NUP210: variants seen among roughly 807,000 people sequenced by gnomAD.
NUP210 encodes the protein nuclear pore membrane glycoprotein 210.
NUP210 carries 151 observed loss-of-function variants against 196.0 expected under a neutral mutation model. The observed-to-expected ratio is 0.77, with a 90% confidence interval of 0.67 to 0.88. The LOEUF (loss-of-function observed/expected upper bound fraction) is 0.88. NUP210 is among the 40% of genes least tolerant of loss of function. The probability of loss-of-function intolerance (pLI) is 0.00; values close to 1 mark genes in which losing one functional copy is unlikely to be tolerated. For missense variants in NUP210, 2,314 were observed against 2,493.7 expected (o/e 0.93, Z 1.53); for synonymous variants, 1,070 against 1,052.7 (o/e 1.02, Z -0.32).
At chr3:13,351,853 A>G (rs1339822673) in intron 20 of NUP210, 26 bp downstream of exon 20, 1 of 1,473,676 alleles carries the variant, frequency 6.8e-7, no homozygotes. Context: ...GAAAACCAAC[A>G]GTGGGGACCG....
intron 2 of NUP210, among the ~76,000 whole-genome samples, chr3:13,398,426 C>T (rs1699734992): frequency 6.6e-6 from 1 of 152,032 alleles, no homozygotes; most frequent in African/African-American, 2.4e-5. Flanking sequence ...TGGGTAACTC[C>T]ATCTCAAAAA....
At chr3:13,364,593 C>T (rs1368749131) in intron 14 of NUP210, among the ~76,000 whole-genome samples, 1 of 152,154 alleles carries the variant, frequency 6.6e-6, no homozygotes, top group Admixed American at 6.5e-5. Flanking sequence ...CTTTGGGAGG[C>T]TGAGGTGGGA....
At chr3:13,346,512 G>T (rs1026860302) in intron 20 of NUP210, among the ~76,000 whole-genome samples, 3 of 152,238 alleles carry the variant, frequency 2.0e-5, no homozygotes, top group Non-Finnish European at 4.4e-5. Context: ...CAAGAGGAAA[G>T]TTCTGTCAAG....
intron 13 of NUP210, among the ~76,000 whole-genome samples, chr3:13,371,364 C>T (rs372568941): frequency 2.6e-5 from 4 of 152,338 alleles, no homozygotes; most frequent in African/African-American, 7.2e-5. Flanking sequence ...AAGTGCCTGT[C>T]CTGTCCTGAC....
intron 11 of NUP210, among the ~76,000 whole-genome samples, chr3:13,374,240 A>G (rs943442483): frequency 1.3e-5 from 2 of 152,068 alleles, no homozygotes; most frequent in African/African-American, 2.4e-5. Flanking sequence ...ATTTACCTTC[A>G]CACTCACGCT....
chr3:13,343,216 C>T lies in NUP210; in HGVS notation c.2923G>A (p.Val975Met), dbSNP rs776615650. ...FPAPAKAVVY[V>M]SDIQELYIRV... ...ATGTACAGCTCCTGAATGTCCGACA[C>T]GTAAACGACAGCCTTGGCTGGGGCC... The change falls in exon 21 of 40, where the codon GTG becomes ATG. Residue 975 changes from valine (V) to methionine (M), a missense_variant. Transcript: ENST00000254508. The T allele has an allele frequency of 5.0e-6, 8 of 1,614,084 alleles. No individual in the cohort carries two copies. The highest frequency in any genetic ancestry group is 3.3e-5 in the Admixed American group (2 of 60,002).
At position 13,323,333 on chromosome 3, in the gene NUP210, C is replaced by T. The variant is rs778261437; in HGVS notation, c.4744G>A (p.Gly1582Arg). The change falls in exon 34 of 40, where the codon GGA (glycine) becomes AGA (arginine). Residue 1582 changes from glycine to arginine, a missense_variant. By Grantham distance (125) the Gly-to-Arg change is moderately radical. Coordinates refer to ENST00000254508, the MANE Select transcript of NUP210 (RefSeq NM_024923.4). The surrounding 1 kb of genome is among the most constrained non-coding windows in gnomAD (Gnocchi z 4.3). ...CCTCTCAGGTTAGAGCTTCTGTCTC[C>T]CACGGCAACAATCACTTTGGAGGCT... ...ATASKVIVAV[G>R]DRSSNLRGEC... The T allele has an allele frequency of 6.2e-7, 1 of 1,614,168 alleles. No homozygotes were observed.
chr3:13,381,420 CT>C (rs10644995), intron 6 of NUP210, among the ~76,000 whole-genome samples: 1,646 of 134,376 alleles, frequency 0.012, 13 homozygotes, highest in Middle Eastern at 0.03. Context: ...CTTTTCTTTT[CT>C]TTTTTTTTTT....
Position 13,353,671 on chromosome 3 carries a change from G to A in NUP210, c.2522-11C>T, listed in dbSNP as rs750420966. The A allele has an allele frequency of 6.8e-6, 11 of 1,611,382 alleles. No homozygotes were observed. Among genetic ancestry groups the A allele is most frequent in the Non-Finnish European group, 8.5e-6 (10 of 1,177,694 alleles). On this transcript the variant is annotated splice_polypyrimidine_tract_variant and intron_variant, in intron 17 of 39. Coordinates refer to ENST00000254508, the MANE Select transcript of NUP210 (RefSeq NM_024923.4). ...AAATGGCCTGCAAACCTGAGACCAGGAAGAAGGAAGCCACCGTTGGATGTC... is the reference window on the plus strand; with the variant it reads ...AAATGGCCTGCAAACCTGAGACCAGAAAGAAGGAAGCCACCGTTGGATGTC...
chr3:13,355,198 C>T (rs1205404807), intron 16 of NUP210, among the ~76,000 whole-genome samples: 1 of 152,204 alleles, frequency 6.6e-6, no homozygotes, highest in Non-Finnish European at 1.5e-5. Flanking sequence ...CAGCCATGAG[C>T]ATCATTCACA....
intron 1 of NUP210, among the ~76,000 whole-genome samples, chr3:13,409,882 G>C (rs1419947879): frequency 6.6e-6 from 1 of 151,742 alleles, no homozygotes; most frequent in Non-Finnish European, 1.5e-5. Flanking sequence ...TGTCACCCAG[G>C]CTGGAGTGCA....
intron 26 of NUP210, 106 bp downstream of exon 26, chr3:13,337,731 C>A: frequency 9.6e-7 from 1 of 1,045,628 alleles, no homozygotes; most frequent in Non-Finnish European, 1.4e-6. Flanking sequence ...CCCTAGATAC[C>A]CGGGCCAGGC....
At chr3:13,324,142 C>T (rs185813223) in intron 33 of NUP210, among the ~76,000 whole-genome samples, 4 of 152,282 alleles carry the variant, frequency 2.6e-5, no homozygotes, top group East Asian at 3.9e-4. Flanking sequence ...ACGGTGCCTC[C>T]GCTCAGGGCT....
chr3:13,360,408 G>C lies in NUP210; in HGVS notation c.2016C>G (p.Ile672Met). 1.2e-6 allele frequency: 2 copies of C among 1,614,124 alleles called. No individual in the cohort carries two copies. Among genetic ancestry groups the C allele is most frequent in the Non-Finnish European group, 1.7e-6 (2 of 1,180,002 alleles). Residue 672 changes from isoleucine (I) to methionine (M), a missense_variant, in exon 15 of 40, where the codon ATC becomes ATG. Transcript: ENST00000254508. ...MLFEGGPRPW[I>M]LEPSKFFQNV... ...TCTGGAAGAATTTGGACGGCTCGAG[G>C]ATCCAAGGTCTGGGACCTCCTTCAA...
intron 34 of NUP210, 123 bp from the exon 35 acceptor site, chr3:13,322,462 G>A (rs1250686543): frequency 1.9e-6 from 2 of 1,072,142 alleles, no homozygotes; most frequent in Non-Finnish European, 1.4e-6. Flanking sequence ...CTTCCAGCAG[G>A]GCCCCAGGGC....
chr3:13,379,503 T>C lies in NUP210; in HGVS notation c.976+60A>G. On this transcript the variant is annotated intron_variant, in intron 7 of 39. Coordinates refer to ENST00000254508, the MANE Select transcript of NUP210 (RefSeq NM_024923.4). The surrounding 1 kb of genome is among the most constrained non-coding windows in gnomAD (Gnocchi z 4.2). ...GCCGAGCTTTCAGGGAAAAAAAGAC[T>C]TGACTTCCAAACAGCAGCTCCGCCA... The C allele has an allele frequency of 1.9e-6, 3 of 1,604,116 alleles. No homozygotes were observed. The highest frequency in any genetic ancestry group is 2.6e-6 in the Non-Finnish European group (3 of 1,174,710).
intron 6 of NUP210, among the ~76,000 whole-genome samples, chr3:13,383,328 T>A (rs1036204057): frequency 6.6e-6 from 1 of 152,058 alleles, no homozygotes; most frequent in Non-Finnish European, 1.5e-5. Context: ...TACTTTCACA[T>A]CTCATGACAT....
chr3:13,416,604 G>C (rs192859910), intron 1 of NUP210, among the ~76,000 whole-genome samples: 34 of 152,342 alleles, frequency 2.2e-4, no homozygotes, highest in Non-Finnish European at 4.0e-4. Context: ...AAACCAATCT[G>C]AGCCACTCAC....
intron 1 of NUP210, among the ~76,000 whole-genome samples, chr3:13,406,152 A>G (rs1453923589): frequency 7.9e-5 from 12 of 152,186 alleles, no homozygotes; most frequent in Admixed American, 7.9e-4. Flanking sequence ...CCCACTACCC[A>G]CTACTGAGGC....
Sources: gnomAD v4.1 joint callset for allele counts (sites outside exome capture counted in the v4.1 genomes callset) on GRCh38, gnomAD v4.1.1 for gene constraint, Gnocchi (gnomAD v3.1) non-coding constraint, MANE v1.5 for transcripts, NCBI Gene and HGNC (gene_info 2026-07-23, HGNC 2026-07-21) for gene names.